Variants in RPL27A observed in about 807,000 individuals in gnomAD.
RPL27A encodes ribosomal protein L27a.
For synonymous variants in RPL27A, 69 were observed against 68.3 expected (o/e 1.01, Z -0.05); for missense variants, 118 against 189.4 (o/e 0.62, Z 2.21).
chr11:8,683,418 C>G (rs2073684), intron 2 of RPL27A, 153 bp downstream of exon 2: 1 of 652,482 alleles, frequency 1.5e-6, no homozygotes, highest in Non-Finnish European at 2.7e-6. Flanking sequence ...CTCTAGTATT[C>G]CAGTTCTAAG....
Position 8,689,169 on chromosome 11 carries a change from C to A in RPL27A, c.*3363C>A, listed in dbSNP as rs1027645393. 4 of 152,272 alleles carry A rather than the reference C, an allele frequency of 2.6e-5. No individual in the cohort carries two copies. The highest frequency in any genetic ancestry group is 4.4e-5 in the Non-Finnish European group (3 of 68,076). 9.4% of individuals were successfully genotyped at this position (152,272 alleles called of 1,614,324 possible). A position where few individuals can be genotyped will look rare whatever the true frequency, so the allele number is the denominator to read the frequency against. ...CCCTGGTCCTTGGGCGGCCGTGGGT[C>A]CCCTTCGAAGCGGAGGAATGGCCAA... is the stretch of plus-strand genomic sequence containing the variant. On this transcript the variant is annotated 3_prime_UTR_variant, in exon 5 of 5. Coordinates refer to ENST00000314138, the MANE Select transcript of RPL27A (RefSeq NM_000990.5).
rs1247478911 is a variant in RPL27A at position 8,689,313 on chromosome 11, G to T, written c.*3507G>T. On this transcript the variant is annotated 3_prime_UTR_variant, in exon 5 of 5. Transcript: ENST00000314138. Reference sequence around the variant, plus strand: ...CTCAATTGTCTAAAAGGTAATGAGCGTCAGCGACATTCAAGGGCACTTTGG... The same window carrying T: ...CTCAATTGTCTAAAAGGTAATGAGCTTCAGCGACATTCAAGGGCACTTTGG... 1 of 152,236 alleles carries T rather than the reference G, an allele frequency of 6.6e-6. No homozygotes were observed. Among genetic ancestry groups the T allele is most frequent in the Non-Finnish European group, 1.5e-5 (1 of 68,040 alleles). 9.4% of individuals were successfully genotyped at this position (152,236 alleles called of 1,614,324 possible).
Position 8,685,685 on chromosome 11 carries a change from A to G in RPL27A, c.326A>G (p.Tyr109Cys). ...PIIDVVRSGYYKVLGKGKLPK... is the reference protein window; with the variant it reads ...PIIDVVRSGYCKVLGKGKLPK... ...TTTTCTCTGTTCTTCTAGGGCTACT[A>G]CAAAGTTCTGGGAAAGGGAAAGCTC... Residue 109 changes from tyrosine (Y) to cysteine (C), a missense_variant, in exon 5 of 5, where the codon TAC becomes TGC. Transcript: ENST00000314138. 1.2e-6 allele frequency: 2 copies of G among 1,614,174 alleles called. No homozygotes were observed. Among genetic ancestry groups the G allele is most frequent in the South Asian group, 1.1e-5 (1 of 91,080 alleles).
rs1439788404 is a variant in RPL27A, at chr11:8,684,802, C to T, written c.228C>T (p.Asp76=). 12 of 1,613,862 alleles carry T rather than the reference C, an allele frequency of 7.4e-6. No homozygotes were observed. Among genetic ancestry groups the T allele is most frequent in the Non-Finnish European group, 1.0e-5 (12 of 1,179,714 alleles). ...GCTTCTGCCCAACTGTCAACCTTGA[C>T]AAATTGTGGACTTTGGTCAGTGAAC... ...NQSFCPTVNL[D]KLWTLVSEQT... is the part of the protein sequence containing the mutation. Residue 76 remains aspartate, a synonymous_variant, in exon 4 of 5, where the codon GAC becomes GAT. Coordinates refer to ENST00000314138, the MANE Select transcript of RPL27A (RefSeq NM_000990.5).
chr11:8,684,244 G>C (rs373316123), intron 3 of RPL27A, 163 bp downstream of exon 3: 3 of 772,936 alleles, frequency 3.9e-6, no homozygotes, highest in Non-Finnish European at 4.7e-6. Flanking sequence ...CTAGAGTCAC[G>C]CTTGGGTATC....
intron 2 of RPL27A, 148 bp downstream of exon 2, chr11:8,683,413 G>A (rs1356339044): frequency 1.8e-5 from 12 of 671,460 alleles, no homozygotes; most frequent in Non-Finnish European, 2.1e-5. Context: ...CGATCCTCTA[G>A]TATTCCAGTT....
At chr11:8,682,881 G>T (rs1207685464) in intron 1 of RPL27A, 65 bp downstream of exon 1, 1 of 1,551,142 alleles carries the variant, frequency 6.4e-7, no homozygotes, top group Non-Finnish European at 8.7e-7. Flanking sequence ...TATTCCCATT[G>T]CCCCTAGTCA....
chr11:8,683,125 C>A, intron 1 of RPL27A, 77 bp from the exon 2 acceptor site: 1 of 1,437,992 alleles, frequency 7.0e-7, no homozygotes, highest in Non-Finnish European at 9.8e-7. Flanking sequence ...CACAGGCTTA[C>A]AGGACCATCT....
chr11:8,686,967 G>C lies in RPL27A; in HGVS notation c.*1161G>C, dbSNP rs2039592664. On this transcript the variant is annotated 3_prime_UTR_variant, in exon 5 of 5. Coordinates refer to ENST00000314138, the MANE Select transcript of RPL27A (RefSeq NM_000990.5). ...TGGAGGTTTCCTTAGTGCACTGTGGGGTCATAATAAGCCGAGAACCATGGC... is the reference window on the plus strand; with the variant it reads ...TGGAGGTTTCCTTAGTGCACTGTGGCGTCATAATAAGCCGAGAACCATGGC... 6.6e-6 allele frequency: 1 copy of C among 152,130 alleles called. No individual in the cohort carries two copies. The highest frequency in any genetic ancestry group is 1.5e-5 in the Non-Finnish European group (1 of 68,036). The allele number at this position is 152,130 out of a possible 1,614,324, so 9.4% of individuals were successfully genotyped here. A position where few individuals can be genotyped will look rare whatever the true frequency, so the allele number is the denominator to read the frequency against.
rs552940251 is a variant in RPL27A, at chr11:8,683,335, T to C, written c.67+70T>C. The C allele has an allele frequency of 2.2e-6, 3 of 1,384,138 alleles. No individual in the cohort carries two copies. In the South Asian group the frequency reaches 3.5e-5, roughly 16 times the overall value. 85.7% of individuals were successfully genotyped at this position (1,384,138 alleles called of 1,614,324 possible). A position where few individuals can be genotyped will look rare whatever the true frequency, so the allele number is the denominator to read the frequency against. ...GGTGCTTAGCTAGTCTGGAGATCGG[T>C]AGCCTATAAGTGGGTTAGAATAAGA... On this transcript the variant is annotated intron_variant, in intron 2 of 4. Transcript: ENST00000314138.
chr11:8,689,157 G>GCGGC lies in RPL27A; in HGVS notation c.*3354_*3357dup, dbSNP rs2039615466. The GCGGC allele has an allele frequency of 6.6e-6, 1 of 152,302 alleles. No individual in the cohort carries two copies. Among genetic ancestry groups the GCGGC allele is most frequent in the African/African-American group, 2.4e-5 (1 of 41,470 alleles). The allele number at this position is 152,302 out of a possible 1,614,324, so 9.4% of individuals were successfully genotyped here. A position where few individuals can be genotyped will look rare whatever the true frequency, so the allele number is the denominator to read the frequency against. On this transcript the variant is annotated 3_prime_UTR_variant, in exon 5 of 5. Coordinates refer to ENST00000314138, the MANE Select transcript of RPL27A (RefSeq NM_000990.5). ...GTTCAACTCCACCCCTGGTCCTTGGGCGGCCGTGGGTCCCCTTCGAAGCGG... is the reference window on the plus strand; with the variant it reads ...GTTCAACTCCACCCCTGGTCCTTGGGCGGCCGGCCGTGGGTCCCCTTCGAAGCGG...
chr11:8,683,188 CT>C lies in RPL27A; in HGVS notation c.4-9del, dbSNP rs1177035593. The C allele has an allele frequency of 6.2e-7, 1 of 1,614,074 alleles. No individual in the cohort carries two copies. Among genetic ancestry groups the C allele is most frequent in the Non-Finnish European group, 8.5e-7 (1 of 1,179,874 alleles). ...TAATTCCTTAGGCCTTACCACCAAG[CT>C]TTTTCCACACAGCCATCCAGACTGA... On this transcript the variant is annotated splice_polypyrimidine_tract_variant and intron_variant, in intron 1 of 4. Transcript: ENST00000314138.
chr11:8,683,125 C>T, intron 1 of RPL27A, 77 bp from the exon 2 acceptor site: 1 of 1,437,992 alleles, frequency 7.0e-7, no homozygotes, highest in Non-Finnish European at 9.8e-7. Context: ...CACAGGCTTA[C>T]AGGACCATCT....
At chr11:8,685,501 A>C (rs1285348377) in intron 4 of RPL27A, 177 bp from the exon 5 acceptor site, 2 of 760,732 alleles carry the variant, frequency 2.6e-6, no homozygotes, top group Admixed American at 3.4e-5. Context: ...ACTCGAAGAG[A>C]ATCTACTGGT....
chr11:8,685,680 C>T lies in RPL27A; in HGVS notation c.321C>T (p.Gly107=), dbSNP rs764011075. The T allele has an allele frequency of 6.2e-7, 1 of 1,614,070 alleles. No homozygotes were observed. Among genetic ancestry groups the T allele is most frequent in the Non-Finnish European group, 8.5e-7 (1 of 1,179,950 alleles). Residue 107 remains glycine, a splice_region_variant and synonymous_variant, in exon 5 of 5, where the codon GGC becomes GGT. Coordinates refer to ENST00000314138, the MANE Select transcript of RPL27A (RefSeq NM_000990.5). ...AACTTTTTTCTCTGTTCTTCTAGGGCTACTACAAAGTTCTGGGAAAGGGAA... is the reference window on the plus strand; with the variant it reads ...AACTTTTTTCTCTGTTCTTCTAGGGTTACTACAAAGTTCTGGGAAAGGGAA... The part of the protein sequence containing the change: ...AAPIIDVVRS[G]YYKVLGKGKL...
rs747975775 is a variant in RPL27A, at chr11:8,688,426, T to C, written c.*2620T>C. The C allele has an allele frequency of 2.6e-5, 4 of 152,222 alleles. No individual in the cohort carries two copies. Among genetic ancestry groups the C allele is most frequent in the Non-Finnish European group, 4.4e-5 (3 of 68,040 alleles). 9.4% of individuals were successfully genotyped at this position (152,222 alleles called of 1,614,324 possible). Reference sequence around the variant, plus strand: ...AGCTACTAACAGTTCTAAAAACTGTTTCATGTGATGAGGAACAGACGAAAA... The same window carrying C: ...AGCTACTAACAGTTCTAAAAACTGTCTCATGTGATGAGGAACAGACGAAAA... On this transcript the variant is annotated 3_prime_UTR_variant, in exon 5 of 5. Coordinates refer to ENST00000314138, the MANE Select transcript of RPL27A (RefSeq NM_000990.5).
chr11:8,683,010 C>T (rs965670144), intron 1 of RPL27A, 192 bp from the exon 2 acceptor site: 3 of 870,686 alleles, frequency 3.4e-6, no homozygotes, highest in Non-Finnish European at 5.3e-6. Context: ...CGGTTCGGAT[C>T]TCTAGGACAC....
chr11:8,682,952 G>A, intron 1 of RPL27A, 136 bp downstream of exon 1: 1 of 1,223,804 alleles, frequency 8.2e-7, no homozygotes, highest in Middle Eastern at 2.0e-4. Context: ...GGGCAGGGTG[G>A]CCGGCGCGGG....
intron 1 of RPL27A, 149 bp downstream of exon 1, chr11:8,682,965 C>G (rs1399240989): frequency 9.1e-7 from 1 of 1,099,644 alleles, no homozygotes; most frequent in African/African-American, 1.6e-5. Context: ...GGCGCGGGCC[C>G]GGGGCGGGGC....
Sources: allele counts gnomAD v4.1 joint callset, GRCh38; gene constraint gnomAD v4.1.1; transcripts MANE v1.5; gene names NCBI Gene and HGNC (gene_info 2026-07-23, HGNC 2026-07-21).